Variants in RNPC3 observed in about 807,000 individuals in gnomAD.
The protein encoded by RNPC3 is RNA-binding region-containing protein 3.
RNPC3 carries 48 observed loss-of-function variants against 67.5 expected under a neutral mutation model. The ratio of observed to expected loss-of-function variants is 0.71; its 90% confidence interval spans 0.56 to 0.90. The LOEUF (loss-of-function observed/expected upper bound fraction) is 0.90, where lower values mean the gene tolerates loss of function less well. Among genes scored for constraint, RNPC3 ranks in the 40% least tolerant of loss-of-function variants. The probability of loss-of-function intolerance (pLI) is 0.00; values close to 1 mark genes in which losing one functional copy is unlikely to be tolerated. For synonymous variants in RNPC3, 239 were observed against 210.3 expected, an observed-to-expected ratio of 1.14 and a Z score of -1.18; for missense variants, 637 against 626.1, an observed-to-expected ratio of 1.02 and a Z score of -0.19.
intron 1 of RNPC3, 54 bp downstream of exon 1, chr1:103,526,316 G>A: frequency 7.0e-7 from 1 of 1,436,816 alleles, no homozygotes; most frequent in Non-Finnish European, 9.3e-7. Flanking sequence ...AAGTGACCGG[G>A]GAGGGGGAGC....
rs1650982552 is a variant in RNPC3, at chr1:103,536,159, A to G, written c.589A>G (p.Thr197Ala). 1 of 1,536,318 alleles carries G rather than the reference A, an allele frequency of 6.5e-7. No homozygotes were observed. The highest frequency in any genetic ancestry group is 8.7e-7 in the Non-Finnish European group (1 of 1,146,196). The change falls in exon 6 of 15, where the codon ACA becomes GCA. Residue 197 changes from threonine (T) to alanine (A), a missense_variant. Around this residue, in one of 3 missense-constraint regions of RNPC3, gnomAD observed 536 missense variants for 500.3 expected, o/e 1.07. Transcript: ENST00000423855. ...LHLMNKMNLP[T>A]PFGPITARPP... ...TCTTATGAATAAAATGAATTTGCCC[A>G]CACCTTTTGGACCAATTACTGCGCG...
chr1:103,548,388 C>T (rs186537607), intron 12 of RNPC3, among the ~76,000 whole-genome samples: 14 of 152,210 alleles, frequency 9.2e-5, no homozygotes, highest in African/African-American at 1.7e-4. Flanking sequence ...AGATTTCTTC[C>T]GACAGATACC....
chr1:103,551,885 CT>C (rs74262182), intron 14 of RNPC3, 93 bp downstream of exon 14: 71,209 of 460,592 alleles, frequency 0.15, 14 homozygotes, highest in South Asian at 0.21. Flanking sequence ...TCAGGTATCT[CT>C]TTTTTTTTTT....
chr1:103,534,341 C>T (rs150076551), intron 3 of RNPC3, among the ~76,000 whole-genome samples: 2,076 of 152,060 alleles, frequency 0.014, 21 homozygotes, highest in Non-Finnish European at 0.023. Context: ...CTTACTGAAT[C>T]AGAAACTTAA....
intron 7 of RNPC3, 80 bp from the exon 8 acceptor site, chr1:103,541,270 T>C (rs1651119354): frequency 3.8e-6 from 4 of 1,049,414 alleles, no homozygotes; most frequent in Non-Finnish European, 5.2e-6. Flanking sequence ...AAAATACAAA[T>C]TTAACGTTAA....
Position 103,533,805 on chromosome 1 carries a change from C to T in RNPC3, c.307C>T (p.Gln103Ter). The T allele has an allele frequency of 1.3e-6, 2 of 1,531,884 alleles. No individual in the cohort carries two copies. The highest frequency in any genetic ancestry group is 1.7e-6 in the Non-Finnish European group (2 of 1,144,148). The allele number at this position is 1,531,884 out of a possible 1,614,324, so 94.9% of individuals were successfully genotyped here. ...HTLVVEFAKEQDRVHSPCPTS... is the reference protein window; with the variant it reads ...HTLVVEFAKE ...TTTAGTCGTTGAATTTGCAAAAGAG[C>T]AAGATCGAGTTCACTCCCCATGTCC... The change falls in exon 3 of 15, where the codon CAA (glutamine) becomes TAA (stop). Residue 103 changes from glutamine (Q) to a stop codon, truncating the protein, a stop_gained. Coordinates refer to ENST00000423855, the MANE Select transcript of RNPC3 (RefSeq NM_017619.4). LOFTEE classifies it high-confidence loss of function.
At chr1:103,554,567 G>T (rs1651486718) in intron 14 of RNPC3, 1 of 152,598 alleles carries the variant, frequency 6.6e-6, no homozygotes, top group African/African-American at 2.4e-5. Flanking sequence ...TCTGGGAATG[G>T]AGTATAACAA....
At position 103,550,061 on chromosome 1, in the gene RNPC3, G is replaced by T. The variant is rs138463967; in HGVS notation, c.1362-880G>T. Among the ~76,000 whole-genome samples, 31 of 152,000 alleles carry T rather than the reference G, an allele frequency of 2.0e-4. No homozygotes were observed. The East Asian group carries it at 6.0e-3, about 30-fold the overall frequency. On this transcript the variant is annotated intron_variant, in intron 12 of 14. Coordinates refer to ENST00000423855, the MANE Select transcript of RNPC3 (RefSeq NM_017619.4). ...CGGCTGTAATCCCAGCTACCCGGGG[G>T]GCTGAGGCAGGAGAATCGCTTAAAC...
At chr1:103,542,625 G>A (rs1393630102) in intron 8 of RNPC3, among the ~76,000 whole-genome samples, 4 of 151,794 alleles carry the variant, frequency 2.6e-5, no homozygotes, top group Non-Finnish European at 5.9e-5. Flanking sequence ...TGGACATTTT[G>A]TTATAGTCCA....
In RNPC3 at chr1:103,543,384, G is replaced by A. The variant is rs939587087; in HGVS notation, c.982G>A (p.Asp328Asn). 4.1e-5 allele frequency: 63 copies of A among 1,519,746 alleles called. No homozygotes were observed. The highest frequency in any genetic ancestry group is 1.4e-4 in the African/African-American group (10 of 71,794). The allele number at this position is 1,519,746 out of a possible 1,614,324, so 94.1% of individuals were successfully genotyped here. A position where few individuals can be genotyped will look rare whatever the true frequency, so the allele number is the denominator to read the frequency against. The change falls in exon 9 of 15, where the codon GAC (aspartate) becomes AAC (asparagine). Residue 328 changes from aspartate (D) to asparagine (N), a missense_variant. Coordinates refer to ENST00000423855, the MANE Select transcript of RNPC3 (RefSeq NM_017619.4). ...NKRIEFHIST[D>N]MPAAFKKDLE... ...AAGAATTGAATTCCATATATCTACC[G>A]ACATGCCAGCTGCATTTAAGAAAGA...
intron 10 of RNPC3, 52 bp from the exon 11 acceptor site, chr1:103,546,196 A>G (rs1218940682): frequency 5.8e-6 from 5 of 864,224 alleles, no homozygotes; most frequent in Non-Finnish European, 4.9e-6. Context: ...ATCTTTAAAA[A>G]CTTGCTTAAA....
At chr1:103,533,593 A>T (rs1650912185) in intron 2 of RNPC3, 146 bp from the exon 3 acceptor site, 1 of 616,280 alleles carries the variant, frequency 1.6e-6, no homozygotes, top group Admixed American at 3.0e-5. Flanking sequence ...TAAAGGCTTG[A>T]TAGCCTGAGA....
intron 2 of RNPC3, among the ~76,000 whole-genome samples, chr1:103,528,195 A>G (rs2101041096): frequency 6.6e-6 from 1 of 152,346 alleles, no homozygotes. Context: ...GGAAGTTATA[A>G]GTGGAGCAGG....
Position 103,551,734 on chromosome 1 carries a change from C to A in RNPC3, c.1508C>A (p.Ser503Tyr). Residue 503 changes from serine (S) to tyrosine (Y), a missense_variant, in exon 14 of 15, where the codon TCT becomes TAT. Ser to Tyr is a moderately radical substitution (Grantham distance 144, BLOSUM62 -2). Transcript: ENST00000423855. Reference protein sequence around the residue: ...GKPMVVQFARSARPKQDPKEG... With the variant: ...GKPMVVQFARYARPKQDPKEG... Reference sequence around the variant, plus strand: ...TTAAATTATTAGCAGTTTGCTCGATCTGCTAGACCAAAACAAGATCCTAAG... The same window carrying A: ...TTAAATTATTAGCAGTTTGCTCGATATGCTAGACCAAAACAAGATCCTAAG... The A allele has an allele frequency of 6.5e-7, 1 of 1,532,326 alleles. No homozygotes were observed. Among genetic ancestry groups the A allele is most frequent in the Non-Finnish European group, 8.8e-7 (1 of 1,135,734 alleles). 94.9% of individuals were successfully genotyped at this position (1,532,326 alleles called of 1,614,324 possible).
In RNPC3 at chr1:103,543,352, G is replaced by T; in HGVS notation, c.950G>T (p.Gly317Val). The T allele has an allele frequency of 1.3e-6, 2 of 1,514,158 alleles. No homozygotes were observed. The highest frequency in any genetic ancestry group is 1.8e-6 in the Non-Finnish European group (2 of 1,136,878). The allele number at this position is 1,514,158 out of a possible 1,614,324, so 93.8% of individuals were successfully genotyped here. The change falls in exon 9 of 15, where the codon GGT becomes GTT. Residue 317 changes from glycine (G) to valine (V), a missense_variant. Transcript: ENST00000423855. ...GTATTTGACCAACCACAACCTGTAG[G>T]TAACAAAAGAATTGAATTCCATATA... is the stretch of plus-strand genomic sequence containing the variant. ...SDVFDQPQPV[G>V]NKRIEFHIST... is the part of the protein sequence containing the mutation.
At chr1:103,550,400 G>A (rs757321814) in intron 12 of RNPC3, among the ~76,000 whole-genome samples, 5 of 151,956 alleles carry the variant, frequency 3.3e-5, no homozygotes, top group East Asian at 1.9e-4. Context: ...TTGGGAGGCC[G>A]AGGCGGGCAG....
chr1:103,531,916 A>G (rs1056571726), intron 2 of RNPC3, among the ~76,000 whole-genome samples: 1 of 152,074 alleles, frequency 6.6e-6, no homozygotes, highest in African/African-American at 2.4e-5. Flanking sequence ...GCCAATGTCT[A>G]GAAGGGTTTT....
At chr1:103,542,254 G>A (rs1157828345) in intron 8 of RNPC3, among the ~76,000 whole-genome samples, 1 of 151,978 alleles carries the variant, frequency 6.6e-6, no homozygotes, top group African/African-American at 2.4e-5. Context: ...TAAGAGAGAG[G>A]AGATATTTGA....
At chr1:103,534,732 C>A in intron 3 of RNPC3, 42 bp from the exon 4 acceptor site, 1 of 1,158,446 alleles carries the variant, frequency 8.6e-7, no homozygotes, top group Non-Finnish European at 1.2e-6. Flanking sequence ...AGTTTTTCAC[C>A]CTTTGGAAAG....
Sources: gnomAD v4.1 joint callset for allele counts (sites outside exome capture counted in the v4.1 genomes callset) on GRCh38, gnomAD v4.1.1 for gene constraint, gnomAD v4.1.1 regional missense constraint, MANE v1.5 for transcripts, NCBI Gene and HGNC (gene_info 2026-07-23, HGNC 2026-07-21) for gene names.